Variants in DPP10 observed in about 807,000 individuals in gnomAD.
The protein encoded by DPP10 is inactive dipeptidyl peptidase 10.
Under a neutral mutation model 120.9 loss-of-function variants are expected in DPP10, and 33 were observed. That is an observed-to-expected ratio of 0.27 (90% CI 0.21 to 0.37). The LOEUF is 0.37. DPP10 is among the 10% of genes least tolerant of loss of function. The pLI, the probability that DPP10 is intolerant of heterozygous loss-of-function variation, is 1.00. For missense variants in DPP10, 816 were observed against 942.8 expected (o/e 0.87, Z 1.76); for synonymous variants, 337 against 326.1 (o/e 1.03, Z -0.36).
At chr2:115,621,554 T>G (rs1477358457) in intron 5 of DPP10, among the ~76,000 whole-genome samples, 1 of 152,206 alleles carries the variant, frequency 6.6e-6, no homozygotes, top group Non-Finnish European at 1.5e-5. Flanking sequence ...TTTAATACTC[T>G]GTAAAGTAAA....
At position 114,444,813 on chromosome 2, in the gene DPP10, A is replaced by G. The variant is rs369425132; in HGVS notation, c.60+1975A>G. On this transcript the variant is annotated intron_variant, in intron 1 of 25. Coordinates refer to ENST00000410059, the MANE Select transcript of DPP10 (RefSeq NM_020868.6). ...TTCTTTTGTGCACCCCATTCCCAAT[A>G]TTGCTCTGGGGAGCAAAAAAATGCT... Among the ~76,000 whole-genome samples, 4 of 152,298 alleles carry G rather than the reference A, an allele frequency of 2.6e-5. No homozygotes were observed. In the East Asian group the frequency reaches 5.8e-4, roughly 22 times the overall value.
intron 19 of DPP10, among the ~76,000 whole-genome samples, chr2:115,804,118 C>T (rs1246985363): frequency 6.6e-6 from 1 of 152,140 alleles, no homozygotes; most frequent in East Asian, 1.9e-4. Flanking sequence ...TTCTTGGAGG[C>T]TTTGTTCATT....
intron 1 of DPP10, among the ~76,000 whole-genome samples, chr2:114,905,322 T>G (rs1693878134): frequency 6.6e-6 from 1 of 152,094 alleles, no homozygotes; most frequent in African/African-American, 2.4e-5. Flanking sequence ...TAGTATAAGT[T>G]GCTTTTCTAT....
intron 12 of DPP10, among the ~76,000 whole-genome samples, chr2:115,763,620 C>T (rs1448967787): frequency 6.6e-6 from 1 of 152,132 alleles, no homozygotes; most frequent in Non-Finnish European, 1.5e-5. Context: ...AATTCACAAA[C>T]ACTGTCCATG....
intron 1 of DPP10, among the ~76,000 whole-genome samples, chr2:114,788,394 T>C (rs1682944467): frequency 6.6e-6 from 1 of 151,584 alleles, no homozygotes; most frequent in South Asian, 2.1e-4. Flanking sequence ...GTTGAATTAT[T>C]GCACATGGAA....
chr2:115,177,532 A>G (rs943946522), intron 1 of DPP10, among the ~76,000 whole-genome samples: 2 of 152,310 alleles, frequency 1.3e-5, no homozygotes, highest in South Asian at 2.1e-4. Context: ...ACACAAATAT[A>G]TACAGTGGAA....
chr2:115,034,511 G>A (rs1223093106), intron 1 of DPP10, among the ~76,000 whole-genome samples: 2 of 152,104 alleles, frequency 1.3e-5, no homozygotes, highest in Non-Finnish European at 2.9e-5. Flanking sequence ...CCAAACACAT[G>A]ATCTCCCACT....
chr2:115,423,669 A>C (rs544768221), intron 3 of DPP10, among the ~76,000 whole-genome samples: 7 of 152,144 alleles, frequency 4.6e-5, no homozygotes, highest in Non-Finnish European at 8.8e-5. Flanking sequence ...ATAGATTATA[A>C]AAGGAGCATT....
intron 1 of DPP10, among the ~76,000 whole-genome samples, chr2:115,223,584 T>G (rs1165572549): frequency 1.3e-5 from 2 of 152,148 alleles, no homozygotes; most frequent in Non-Finnish European, 1.5e-5. Context: ...GTAAGATATG[T>G]TCAGCTGAAA....
chr2:114,566,338 AAAAG>A (rs773818270), intron 1 of DPP10, among the ~76,000 whole-genome samples: 1 of 152,184 alleles, frequency 6.6e-6, no homozygotes, highest in Non-Finnish European at 1.5e-5. Context: ...TTATCACAGA[AAAAG>A]AAATGATCAC....
rs191189885 is a variant in DPP10, at chr2:115,734,613, G to A, written c.698-5126G>A. 2.7e-4 allele frequency among the ~76,000 whole-genome samples: 37 copies of A among 135,468 alleles called. No individual in the cohort carries two copies. The East Asian group carries it at 6.9e-3, about 25-fold the overall frequency. The allele number at this position is 135,468 out of a possible 152,430, so 88.9% of individuals were successfully genotyped here. A position where few individuals can be genotyped will look rare whatever the true frequency, so the allele number is the denominator to read the frequency against. On this transcript the variant is annotated intron_variant, in intron 8 of 25. Coordinates refer to ENST00000410059, the MANE Select transcript of DPP10 (RefSeq NM_020868.6). ...AGAGGTTGCAGTGAGCCGATATCATGCCACTGCACTCCAGCCTGGGCAACA... is the reference window on the plus strand; with the variant it reads ...AGAGGTTGCAGTGAGCCGATATCATACCACTGCACTCCAGCCTGGGCAACA...
At chr2:115,359,674 G>T (rs963779757) in intron 3 of DPP10, among the ~76,000 whole-genome samples, 25 of 152,060 alleles carry the variant, frequency 1.6e-4, no homozygotes, top group African/African-American at 6.0e-4. Context: ...TCATGAGATT[G>T]GGTAAATTTT....
intron 1 of DPP10, among the ~76,000 whole-genome samples, chr2:115,110,080 C>T (rs2104673576): frequency 6.6e-6 from 1 of 152,280 alleles, no homozygotes; most frequent in African/African-American, 2.4e-5. Context: ...TCTGTGTAAA[C>T]ACCTACCACA....
intron 1 of DPP10, among the ~76,000 whole-genome samples, chr2:114,867,950 C>T (rs972464862): frequency 6.6e-6 from 1 of 152,138 alleles, no homozygotes; most frequent in Non-Finnish European, 1.5e-5. Flanking sequence ...TATGGAGTTA[C>T]ATTACACTTC....
chr2:114,477,886 T>C (rs192982513), intron 1 of DPP10, among the ~76,000 whole-genome samples: 5 of 127,830 alleles, frequency 3.9e-5, no homozygotes, highest in Non-Finnish European at 9.1e-5. Context: ...TATGTGTATA[T>C]ATGTACATAT....
chr2:114,601,491 G>T lies in DPP10; in HGVS notation c.60+158653G>T, dbSNP rs187026085. ...TTTTTTCTTCTGTTTTAAAGGGATT[G>T]GGGAGGGAGGTCTTATAAGTATATG... On this transcript the variant is annotated intron_variant, in intron 1 of 25. Coordinates refer to ENST00000410059, the MANE Select transcript of DPP10 (RefSeq NM_020868.6). 8.6e-5 allele frequency among the ~76,000 whole-genome samples: 13 copies of T among 151,938 alleles called. No homozygotes were observed. The East Asian group carries it at 2.5e-3, about 29-fold the overall frequency.
intron 1 of DPP10, among the ~76,000 whole-genome samples, chr2:114,499,926 C>A (rs1683013167): frequency 6.6e-6 from 1 of 152,182 alleles, no homozygotes; most frequent in Non-Finnish European, 1.5e-5. Flanking sequence ...TATGGGTGAT[C>A]ATACAATCGC....
chr2:115,224,271 A>G (rs2057325058), intron 1 of DPP10, among the ~76,000 whole-genome samples: 1 of 152,110 alleles, frequency 6.6e-6, no homozygotes, highest in Non-Finnish European at 1.5e-5. Context: ...TAACTATGTG[A>G]AAGTTAGGGG....
chr2:114,692,431 T>A (rs1322873164), intron 1 of DPP10, among the ~76,000 whole-genome samples: 9 of 151,988 alleles, frequency 5.9e-5, no homozygotes, highest in Non-Finnish European at 1.3e-4. Context: ...AATTTGGTTG[T>A]GCTGCTGTCT....
Sources: allele counts gnomAD v4.1 joint callset (sites outside exome capture counted in the v4.1 genomes callset), GRCh38; gene constraint gnomAD v4.1.1; transcripts MANE v1.5; gene names NCBI Gene and HGNC (gene_info 2026-07-23, HGNC 2026-07-21).